Variants in PKD1L1 observed in about 807,000 individuals in gnomAD.
The protein encoded by PKD1L1 is polycystin-1-like protein 1.
PKD1L1 carries 236 observed loss-of-function variants against 323.4 expected under a neutral mutation model. The observed-to-expected ratio is 0.73, with a 90% CI of 0.66 to 0.81. PKD1L1 has a LOEUF of 0.81. Ranked by LOEUF, PKD1L1 falls within the 40% of genes least tolerant of loss-of-function variation. PKD1L1 has a pLI of 0.00. For synonymous variants in PKD1L1, 1,344 were observed against 1,335.0 expected (o/e 1.01, Z -0.15); for missense variants, 3,320 against 3,508.0 (o/e 0.95, Z 1.35).
chr7:47,910,430 G>A (rs1787295391), intron 8 of PKD1L1, among the ~76,000 whole-genome samples: 1 of 149,142 alleles, frequency 6.7e-6, no homozygotes, highest in Non-Finnish European at 1.5e-5. Flanking sequence ...TGCCTCCCAG[G>A]TTCACGCCAT....
At chr7:47,818,316 A>G in intron 46 of PKD1L1, 1 of 665,060 alleles carries the variant, frequency 1.5e-6, no homozygotes, top group Non-Finnish European at 2.1e-6. Flanking sequence ...GCTGGAGGTG[A>G]ATTTTCAACA....
intron 53 of PKD1L1, 118 bp from the exon 54 acceptor site, chr7:47,800,997 A>C (rs1052858795): frequency 1.9e-5 from 17 of 879,978 alleles, no homozygotes; most frequent in African/African-American, 1.0e-4. Flanking sequence ...GGGAGTGTGG[A>C]TCAATCATGT....
chr7:47,943,190 ATATATATG>A (rs1327382718), intron 2 of PKD1L1, among the ~76,000 whole-genome samples, 198 bp downstream of exon 2: 27 of 117,824 alleles, frequency 2.3e-4, no homozygotes, highest in Non-Finnish European at 3.9e-4. Context: ...ATATATATAT[ATATATATG>A]TGTGTGTACC....
At chr7:47,776,067 A>G (rs1267877228) in intron 56 of PKD1L1, among the ~76,000 whole-genome samples, 1 of 152,222 alleles carries the variant, frequency 6.6e-6, no homozygotes, top group African/African-American at 2.4e-5. Context: ...TACATTTCAC[A>G]GCTGAGATGA....
Position 47,812,010 on chromosome 7 carries a change from A to C in PKD1L1, c.7388T>G (p.Met2463Arg). ...AGCCCTGGTGCTGCGGTCAATCCAC[A>C]TGCTGGCCCTGAGTCGGGACAGGGC... ...HTALSRLRAS[M>R]WIDRSTRAVS... Residue 2463 changes from methionine to arginine, a missense_variant, in exon 50 of 57, where the codon ATG (methionine) becomes AGG (arginine). Physicochemically the swap from Met to Arg is moderately conservative, Grantham distance 91 (BLOSUM62 -1). Coordinates refer to ENST00000289672, the MANE Select transcript of PKD1L1 (RefSeq NM_138295.5). The C allele has an allele frequency of 6.3e-7, 1 of 1,582,980 alleles. No homozygotes were observed. The highest frequency in any genetic ancestry group is 8.6e-7 in the Non-Finnish European group (1 of 1,164,456).
intron 16 of PKD1L1, 79 bp from the exon 17 acceptor site, chr7:47,888,229 G>GAATCAAATTGGGGAGTCCAAGCAGCC: frequency 7.1e-7 from 1 of 1,413,976 alleles, no homozygotes; most frequent in Non-Finnish European, 9.8e-7. Flanking sequence ...TGTTAGGCAT[G>GAATCAAATTGGGGAGTCCAAGCAGCC]TTTAAATCAC....
intron 3 of PKD1L1, among the ~76,000 whole-genome samples, chr7:47,938,966 G>A (rs1266675284): frequency 6.6e-6 from 1 of 152,172 alleles, no homozygotes; most frequent in African/African-American, 2.4e-5. Context: ...AGAAGCATGA[G>A]GTCTGTTTGC....
chr7:47,821,589 C>A (rs969338113), intron 45 of PKD1L1, among the ~76,000 whole-genome samples: 1 of 151,010 alleles, frequency 6.6e-6, no homozygotes, highest in Non-Finnish European at 1.5e-5. Context: ...AAATGAAACT[C>A]GGCTTTTAAA....
rs977902445 is a variant in PKD1L1 at position 47,830,103 on chromosome 7, C to T, written c.6495G>A (p.Val2165=). ...AGAGGGACAGCAGGTGCAGCCACTG[C>T]ACACATTGCTCCTGGCCAAACCTGC... The part of the protein sequence containing the change: ...LAYRFGQEQC[V]QWLHLLSLSV... Residue 2165 remains valine, a synonymous_variant, in exon 43 of 57, where the codon GTG becomes GTA. Coordinates refer to ENST00000289672, the MANE Select transcript of PKD1L1 (RefSeq NM_138295.5). 8 of 1,614,008 alleles carry T rather than the reference C, an allele frequency of 5.0e-6. No individual in the cohort carries two copies. In the African/African-American group the frequency reaches 6.7e-5, roughly 13 times the overall value.
chr7:47,781,672 G>A (rs931383769), intron 56 of PKD1L1, among the ~76,000 whole-genome samples: 2 of 151,996 alleles, frequency 1.3e-5, no homozygotes, highest in Non-Finnish European at 2.9e-5. Flanking sequence ...GCCTCCCAAA[G>A]TGCTGGGATT....
At chr7:47,792,820 A>C in intron 55 of PKD1L1, 23 bp from the exon 56 acceptor site, 1 of 1,590,724 alleles carries the variant, frequency 6.3e-7, no homozygotes, top group Non-Finnish European at 8.6e-7. Flanking sequence ...AAATTAGATT[A>C]GTAAATGCAT....
chr7:47,907,140 A>G (rs900196784), intron 9 of PKD1L1, among the ~76,000 whole-genome samples: 17 of 151,680 alleles, frequency 1.1e-4, no homozygotes, highest in Non-Finnish European at 2.4e-4. Flanking sequence ...AAATCCTTCC[A>G]TATGTATGTC....
intron 8 of PKD1L1, among the ~76,000 whole-genome samples, chr7:47,914,692 C>A (rs1208150150): frequency 1.3e-5 from 2 of 152,166 alleles, no homozygotes; most frequent in African/African-American, 4.8e-5. Flanking sequence ...CTCTCCCTCC[C>A]TCTCCATCTG....
chr7:47,897,874 C>G (rs1220695784), intron 14 of PKD1L1, 114 bp downstream of exon 14: 1 of 802,698 alleles, frequency 1.2e-6, no homozygotes, highest in African/African-American at 1.8e-5. Context: ...TTTAAACAAC[C>G]TCCCTTTTCC....
intron 56 of PKD1L1, among the ~76,000 whole-genome samples, chr7:47,790,801 C>T (rs1786927075): frequency 6.7e-6 from 1 of 150,072 alleles, no homozygotes; most frequent in East Asian, 2.0e-4. Context: ...GACGTGGTCT[C>T]ACTCTGTCAC....
intron 27 of PKD1L1, among the ~76,000 whole-genome samples, chr7:47,858,238 A>G (rs1785947499): frequency 6.6e-6 from 1 of 152,228 alleles, no homozygotes; most frequent in Non-Finnish European, 1.5e-5. Context: ...GACAATTTCC[A>G]AAGTTACCAG....
At chr7:47,851,968 G>T (rs1339123481) in intron 31 of PKD1L1, among the ~76,000 whole-genome samples, 1 of 152,038 alleles carries the variant, frequency 6.6e-6, no homozygotes, top group African/African-American at 2.4e-5. Flanking sequence ...GCATTTGGGG[G>T]GATTTTAAAA....
intron 7 of PKD1L1, among the ~76,000 whole-genome samples, chr7:47,921,690 TAA>T (rs1265079697): frequency 1.7e-5 from 2 of 116,578 alleles, no homozygotes; most frequent in Admixed American, 1.5e-4. Context: ...TATATATATA[TAA>T]TGAGATACTA....
chr7:47,958,246 T>C, the PKD1L1 span, among the ~76,000 whole-genome samples: 1 of 152,052 alleles, frequency 6.6e-6, no homozygotes, highest in Non-Finnish European at 1.5e-5. Context: ...TAAAAACAGA[T>C]AGATCAATGG....
Sources: gnomAD v4.1 joint callset for allele counts (sites outside exome capture counted in the v4.1 genomes callset) on GRCh38, gnomAD v4.1.1 for gene constraint, MANE v1.5 for transcripts, NCBI Gene and HGNC (gene_info 2026-07-23, HGNC 2026-07-21) for gene names.